DEPDC5: variants seen among roughly 807,000 people sequenced by gnomAD.
DEPDC5 encodes DEP domain containing 5, GATOR1 subcomplex subunit.
DEPDC5 carries 73 observed loss-of-function variants against 217.3 expected under a neutral mutation model. That is an observed-to-expected ratio of 0.34 (90% CI 0.28 to 0.41). The LOEUF (loss-of-function observed/expected upper bound fraction) is 0.41. DEPDC5 is among the 10% of genes least tolerant of loss of function. DEPDC5 has a pLI of 1.00. For missense variants in DEPDC5, 1,675 were observed against 2,070.1 expected (o/e 0.81, Z 3.70); for synonymous variants, 733 against 756.7 (o/e 0.97, Z 0.51).
intron 3 of DEPDC5, among the ~76,000 whole-genome samples, chr22:31,759,029 A>C (rs2082161912): frequency 6.6e-6 from 1 of 151,854 alleles, no homozygotes; most frequent in Non-Finnish European, 1.5e-5. Context: ...CAGCCTCCTG[A>C]GTAGCTGAGA....
chr22:31,861,486 G>A, intron 33 of DEPDC5, 53 bp downstream of exon 33: 1 of 1,541,352 alleles, frequency 6.5e-7, no homozygotes, highest in Non-Finnish European at 8.8e-7. Context: ...GACGCCATGA[G>A]CTGGCCTTCT....
At chr22:31,877,248 C>G (rs781427108) in intron 37 of DEPDC5, among the ~76,000 whole-genome samples, 1 of 149,598 alleles carries the variant, frequency 6.7e-6, no homozygotes, top group African/African-American at 2.5e-5. Flanking sequence ...CCAGCCTGGG[C>G]AACACGATGA....
At position 31,839,597 on chromosome 22, in the gene DEPDC5, A is replaced by C. The variant is rs116601396; in HGVS notation, c.2515+752A>C. Among the ~76,000 whole-genome samples, 1,148 of 146,668 alleles carry C rather than the reference A, an allele frequency of 7.8e-3. 22 individuals carry two copies. The highest frequency in any genetic ancestry group is 0.026 in the African/African-American group (1,051 of 41,130). Reference sequence around the variant, plus strand: ...AAAGCTTCTTGGGCCAGAGGATCAGAGAACTGTGGCCCTGTTGGAGCATGC... The same window carrying C: ...AAAGCTTCTTGGGCCAGAGGATCAGCGAACTGTGGCCCTGTTGGAGCATGC... On this transcript the variant is annotated intron_variant, in intron 27 of 42. Transcript: ENST00000651528.
In DEPDC5 at chr22:31,760,714, A is replaced by G. The variant is rs376099179; in HGVS notation, c.193+12A>G. On this transcript the variant is annotated intron_variant, in intron 4 of 42. Coordinates refer to ENST00000651528, the MANE Select transcript of DEPDC5 (RefSeq NM_001242896.3). ...AGATTTACAGAAGGGTAAGAATTATATCACTCTTCTTAGAATTTTTTATTT... is the reference window on the plus strand; with the variant it reads ...AGATTTACAGAAGGGTAAGAATTATGTCACTCTTCTTAGAATTTTTTATTT... The G allele has an allele frequency of 5.4e-5, 87 of 1,597,534 alleles. No homozygotes were observed. In the African/African-American group the frequency reaches 1.1e-3, roughly 21 times the overall value.
At chr22:31,818,286 G>A (rs185418775) in intron 21 of DEPDC5, among the ~76,000 whole-genome samples, 1 of 152,132 alleles carries the variant, frequency 6.6e-6, no homozygotes, top group Non-Finnish European at 1.5e-5. Context: ...AATTTTTTTA[G>A]CATAATAACA....
chr22:31,811,300 C>T (rs1247058388), intron 20 of DEPDC5, among the ~76,000 whole-genome samples: 4 of 152,102 alleles, frequency 2.6e-5, no homozygotes, highest in Non-Finnish European at 5.9e-5. Flanking sequence ...GAACTTCTGG[C>T]CCCAAGTGAT....
intron 12 of DEPDC5, among the ~76,000 whole-genome samples, chr22:31,796,099 C>CTTT (rs60336012): frequency 3.9e-5 from 5 of 127,538 alleles, no homozygotes; most frequent in African/African-American, 1.3e-4. Flanking sequence ...TCCACAGTAT[C>CTTT]TTTTTTTTTT....
chr22:31,846,715 C>T, intron 30 of DEPDC5, 119 bp from the exon 31 acceptor site: 6 of 1,439,388 alleles, frequency 4.2e-6, no homozygotes, highest in Non-Finnish European at 5.7e-6. Flanking sequence ...ACCTGTGTTC[C>T]TTGACCCTGT....
chr22:31,870,444 G>C, intron 33 of DEPDC5, 146 bp from the exon 34 acceptor site: 2 of 892,730 alleles, frequency 2.2e-6, no homozygotes, highest in East Asian at 6.7e-5. Flanking sequence ...AGGGGTAGTG[G>C]GAATGAGCAG....
chr22:31,791,627 CAAAAA>C (rs142053932), intron 10 of DEPDC5, among the ~76,000 whole-genome samples: 2 of 62,090 alleles, frequency 3.2e-5, no homozygotes, highest in Non-Finnish European at 6.4e-5. Context: ...GAGACTGCCT[CAAAAA>C]AAAAAAAAAA....
chr22:31,828,741 G>A (rs1443688414), intron 24 of DEPDC5, among the ~76,000 whole-genome samples: 4 of 152,080 alleles, frequency 2.6e-5, no homozygotes, highest in East Asian at 1.9e-4. Flanking sequence ...TTACCCATTC[G>A]AGAAAAGTGT....
rs2088195628 is a variant in DEPDC5, at chr22:31,810,726, C to T, written c.1445+85C>T. The T allele has an allele frequency of 2.6e-6, 4 of 1,544,298 alleles. No homozygotes were observed. The African/African-American group carries it at 4.2e-5, about 16-fold the overall frequency. ...CAGTAGTGACCTCTAAGAGAGCAAC[C>T]TTGAAAATCTTGTTTTGTTTTGTTT... On this transcript the variant is annotated intron_variant, in intron 20 of 42. Transcript: ENST00000651528.
rs1163554662 is a variant in DEPDC5, at chr22:31,837,273, A to T, written c.2354+118A>T. The T allele has an allele frequency of 5.5e-6, 6 of 1,081,578 alleles. No homozygotes were observed. In the African/African-American group the frequency reaches 8.0e-5, roughly 14 times the overall value. The allele number at this position is 1,081,578 out of a possible 1,614,324, so 67.0% of individuals were successfully genotyped here. Reference sequence around the variant, plus strand: ...CAGCAACACATATATTAAAATTGGAACGATATAGAGGAGATTAGCATGGCC... The same window carrying T: ...CAGCAACACATATATTAAAATTGGATCGATATAGAGGAGATTAGCATGGCC... On this transcript the variant is annotated intron_variant, in intron 26 of 42. Coordinates refer to ENST00000651528, the MANE Select transcript of DEPDC5 (RefSeq NM_001242896.3).
intron 24 of DEPDC5, chr22:31,826,448 A>G (rs2090151380): frequency 2.3e-6 from 1 of 428,334 alleles, no homozygotes; most frequent in Non-Finnish European, 4.7e-6. Flanking sequence ...GTGCTCCTCA[A>G]AAGAACTGTG....
intron 22 of DEPDC5, among the ~76,000 whole-genome samples, chr22:31,819,986 T>G (rs2089525444): frequency 6.6e-6 from 1 of 152,222 alleles, no homozygotes; most frequent in Admixed American, 6.5e-5. Context: ...GTCCATTCTT[T>G]TTTATCTATA....
chr22:31,771,818 C>T (rs949342220), intron 7 of DEPDC5, among the ~76,000 whole-genome samples: 1 of 150,022 alleles, frequency 6.7e-6, no homozygotes, highest in African/African-American at 2.5e-5. Flanking sequence ...CCTCTAATCC[C>T]AGCACTTTGG....
At chr22:31,776,003 T>C (rs1484668088) in intron 7 of DEPDC5, among the ~76,000 whole-genome samples, 1 of 131,860 alleles carries the variant, frequency 7.6e-6, no homozygotes, top group Non-Finnish European at 1.5e-5. Flanking sequence ...ATCGCACCAC[T>C]GCACTCCAGA....
In DEPDC5 at chr22:31,901,763, G is replaced by A. The variant is rs886039273; in HGVS notation, c.4397G>A (p.Trp1466Ter). 6.2e-7 allele frequency: 1 copy of A among 1,613,444 alleles called. No homozygotes were observed. Among genetic ancestry groups the A allele is most frequent in the Non-Finnish European group, 8.5e-7 (1 of 1,179,678 alleles). Residue 1466 changes from tryptophan (W) to a stop codon, truncating the protein, a stop_gained, in exon 41 of 43, where the codon TGG (tryptophan) becomes TAG (stop). Transcript: ENST00000651528. LOFTEE classifies it high-confidence loss of function. ...LFDSFEPETY[W>*]DRMHLFQEAI... Reference sequence around the variant, plus strand: ...TCAGGCTTTGAACCCGAAACGTACTGGGATCGAATGCACCTCTTCCAGGAA... The same window carrying A: ...TCAGGCTTTGAACCCGAAACGTACTAGGATCGAATGCACCTCTTCCAGGAA...
At position 31,809,594 on chromosome 22, in the gene DEPDC5, T is replaced by A; in HGVS notation, c.1288-17T>A. ...TAGCGAAGGAAGGAGTGATTAATTA[T>A]CTATTTAATTTTTCAGCCCGCCTCT... On this transcript the variant is annotated splice_polypyrimidine_tract_variant and intron_variant, in intron 18 of 42. Transcript: ENST00000651528. 6.2e-7 allele frequency: 1 copy of A among 1,613,712 alleles called. No individual in the cohort carries two copies. Among genetic ancestry groups the A allele is most frequent in the Non-Finnish European group, 8.5e-7 (1 of 1,179,638 alleles).
Sources: allele counts gnomAD v4.1 joint callset (sites outside exome capture counted in the v4.1 genomes callset), GRCh38; gene constraint gnomAD v4.1.1; transcripts MANE v1.5; gene names NCBI Gene and HGNC (gene_info 2026-07-23, HGNC 2026-07-21).